The following NSD2 variants were observed in gnomAD, a reference collection of about 807,000 sequenced individuals.
NSD2 encodes nuclear receptor binding SET domain protein 2.
A neutral mutation model predicts 139.0 loss-of-function variants in NSD2; 12 were observed. The observed-to-expected ratio is 0.09, with a 90% CI of 0.06 to 0.14. NSD2 has a LOEUF of 0.14. NSD2 is among the 10% of genes least tolerant of loss of function. The pLI, the probability that NSD2 is intolerant of heterozygous loss-of-function variation, is 1.00. For synonymous variants in NSD2, 669 were observed against 648.7 expected (o/e 1.03, Z -0.48); for missense variants, 1,155 against 1,745.0 (o/e 0.66, Z 6.02).
At position 1,981,526 on chromosome 4, in the gene NSD2, C is replaced by A; in HGVS notation, c.*2617C>A. On this transcript the variant is annotated 3_prime_UTR_variant, in exon 22 of 22. Transcript: ENST00000508803. ...CCAGCATCTGCACCTAAACCCATAC[C>A]CACCCGTGTGCGCCCACAGGGGGAT... 3.6e-6 allele frequency: 1 copy of A among 280,692 alleles called. No homozygotes were observed. The highest frequency in any genetic ancestry group is 6.6e-6 in the Non-Finnish European group (1 of 150,572). The allele number at this position is 280,692 out of a possible 1,614,324, so 17.4% of individuals were successfully genotyped here.
intron 7 of NSD2, among the ~76,000 whole-genome samples, chr4:1,936,889 C>G (rs1722467123): frequency 6.6e-6 from 1 of 152,046 alleles, no homozygotes; most frequent in Admixed American, 6.6e-5. Context: ...GCAGGCAGGC[C>G]CTGCGCCATT....
rs1307307696 is a variant in NSD2 at position 1,958,629 on chromosome 4, G to A, written c.2985+593G>A. 6.6e-6 allele frequency among the ~76,000 whole-genome samples: 1 copy of A among 152,262 alleles called. No individual in the cohort carries two copies. Among genetic ancestry groups the A allele is most frequent in the Non-Finnish European group, 1.5e-5 (1 of 68,048 alleles). ...CGTTCCTGACGAGTGTTTGTGATAA[G>A]TGTGTGCCGGAGGTCAGGTGCTCTG... On this transcript the variant is annotated intron_variant, in intron 16 of 21. Coordinates refer to ENST00000508803, the MANE Select transcript of NSD2 (RefSeq NM_001042424.3). This position sits in a 1 kb window ranked among gnomAD's most constrained non-coding sequence, Gnocchi z 4.6.
chr4:1,951,901 T>C, intron 10 of NSD2: 3 of 732,124 alleles, frequency 4.1e-6, no homozygotes, highest in Non-Finnish European at 4.2e-6. Flanking sequence ...ACTGGCCTCT[T>C]TCTGTAACAG....
chr4:1,978,558 G>A, intron 21 of NSD2, 80 bp from the exon 22 acceptor site: 1 of 1,533,384 alleles, frequency 6.5e-7, no homozygotes, highest in East Asian at 2.3e-5. Flanking sequence ...CCTGACAGTT[G>A]TAAGTCATCT....
intron 1 of NSD2, among the ~76,000 whole-genome samples, chr4:1,900,178 G>A (rs1315674231): frequency 6.6e-6 from 1 of 152,192 alleles, no homozygotes; most frequent in Non-Finnish European, 1.5e-5. Context: ...TTTCCTGTTA[G>A]TGTTGATTTT....
intron 1 of NSD2, among the ~76,000 whole-genome samples, chr4:1,888,867 CT>C (rs1715319490): frequency 6.8e-6 from 1 of 146,436 alleles, no homozygotes; most frequent in Non-Finnish European, 1.5e-5. Flanking sequence ...CGCCTGGCTG[CT>C]TTATTATTTT....
intron 9 of NSD2, chr4:1,941,502 C>T (rs2108904109): frequency 9.6e-7 from 1 of 1,045,728 alleles, no homozygotes; most frequent in Non-Finnish European, 1.2e-6. Context: ...AGGCAGTTGT[C>T]CTGACCTTGA....
At chr4:1,947,464 C>CCT (rs1288968173) in intron 9 of NSD2, 3 of 1,058,668 alleles carry the variant, frequency 2.8e-6, no homozygotes. Context: ...CAGCCCTGAC[C>CCT]CTAGAATTTA....
intron 9 of NSD2, chr4:1,943,326 A>T: frequency 9.6e-7 from 1 of 1,043,954 alleles, no homozygotes; most frequent in Non-Finnish European, 1.2e-6. Flanking sequence ...ATTTTGTTGT[A>T]AACCATTAAG....
Position 1,942,602 on chromosome 4 carries a change from T to C in NSD2, c.1881+2824T>C, listed in dbSNP as rs1242633603. 2 of 1,308,504 alleles carry C rather than the reference T, an allele frequency of 1.5e-6. No homozygotes were observed. The highest frequency in any genetic ancestry group is 1.9e-6 in the Non-Finnish European group (2 of 1,027,016). The allele number at this position is 1,308,504 out of a possible 1,614,324, so 81.1% of individuals were successfully genotyped here. On this transcript the variant is annotated intron_variant, in intron 9 of 21. Transcript: ENST00000508803. This position sits in a 1 kb window ranked among gnomAD's most constrained non-coding sequence, Gnocchi z 4.0. ...AATCAAGGCCATTTAATCCGTCACA[T>C]TCATCTCATAATAGAAACACGTTCA...
rs1322308834 is a variant in NSD2, at chr4:1,900,989, C to G, written c.335C>G (p.Pro112Arg). 1.9e-6 allele frequency: 3 copies of G among 1,614,230 alleles called. No homozygotes were observed. In the East Asian group the frequency reaches 6.7e-5, roughly 36 times the overall value. The change falls in exon 2 of 22, where the codon CCT (proline) becomes CGT (arginine). Residue 112 changes from proline (P) to arginine (R), a missense_variant. Pro to Arg is a moderately radical substitution (Grantham distance 103). Transcript: ENST00000508803. The part of the protein sequence containing the change: ...SQEMKGIGTP[P>R]NTTPIKNGSP... ...GAAATGAAAGGGATTGGGACACCCC[C>G]TAACACTACCCCTATCAAAAATGGC...
chr4:1,872,637 C>CGCGAGAGA (rs1553856508), intron 1 of NSD2, among the ~76,000 whole-genome samples: 8 of 81,746 alleles, frequency 9.8e-5, no homozygotes, highest in African/African-American at 2.2e-4. Context: ...AGAGAGAGAG[C>CGCGAGAGA]GCGCAGACCC....
intron 5 of NSD2, among the ~76,000 whole-genome samples, chr4:1,922,730 A>C (rs1428550730): frequency 6.6e-6 from 1 of 152,106 alleles, no homozygotes; most frequent in Admixed American, 6.5e-5. Context: ...GCTCCAGACT[A>C]GCCTGGCCAA....
rs757846841 is a variant in NSD2 at position 1,918,396 on chromosome 4, A to G, written c.1183A>G (p.Ile395Val). Residue 395 changes from isoleucine to valine, a missense_variant, in exon 5 of 22, where the codon ATT (isoleucine) becomes GTT (valine). Around this residue, in one of 8 missense-constraint regions of NSD2, gnomAD observed 420 missense variants for 469.0 expected, o/e 0.90. Transcript: ENST00000508803. ...CCCCAAGTCTGTGAGAGAAGAGTGC[A>G]TTCCCATGAAGAGAAGGCGGAGGGC... ...ENPKSVREEC[I>V]PMKRRRRAKL... is the part of the protein sequence containing the mutation. 1.6e-5 allele frequency: 26 copies of G among 1,614,018 alleles called. No homozygotes were observed. In the South Asian group the frequency reaches 1.6e-4, roughly 10 times the overall value.
At chr4:1,888,811 C>T (rs1040610712) in intron 1 of NSD2, among the ~76,000 whole-genome samples, 17 of 152,152 alleles carry the variant, frequency 1.1e-4, no homozygotes, top group African/African-American at 3.1e-4. Context: ...AGTGATCCAC[C>T]GGCCTCGGCC....
Position 1,930,734 on chromosome 4 carries a change from G to T in NSD2, c.1519G>T (p.Ala507Ser). 1 of 1,613,882 alleles carries T rather than the reference G, an allele frequency of 6.2e-7. No homozygotes were observed. The highest frequency in any genetic ancestry group is 8.5e-7 in the Non-Finnish European group (1 of 1,179,934). ...GAGAGCACGCTACAACACCAAGTTT[G>T]CCCTGGTGGCCCCTGTCCAGGCTGA... ...KQRARYNTKF[A>S]LVAPVQAEED... Residue 507 changes from alanine (A) to serine (S), a missense_variant, in exon 6 of 22, where the codon GCC becomes TCC. Coordinates refer to ENST00000508803, the MANE Select transcript of NSD2 (RefSeq NM_001042424.3).
chr4:1,908,956 C>G (rs1480547314), intron 3 of NSD2, among the ~76,000 whole-genome samples: 3 of 152,010 alleles, frequency 2.0e-5, no homozygotes, highest in African/African-American at 7.3e-5. Context: ...CCCCAGCAGC[C>G]ACGGCTTTAG....
At chr4:1,961,278 C>T in intron 18 of NSD2, 127 bp downstream of exon 18, 1 of 750,220 alleles carries the variant, frequency 1.3e-6, no homozygotes. Flanking sequence ...TATTTTCAAA[C>T]ATCTGCACAT....
At chr4:1,872,629 A>AGAGAGAGAGAGCGAGAGC (rs1553856461) in intron 1 of NSD2, among the ~76,000 whole-genome samples, 4 of 142,592 alleles carry the variant, frequency 2.8e-5, no homozygotes, top group African/African-American at 1.0e-4. Context: ...AGAGAGAGAG[A>AGAGAGAGAGAGCGAGAGC]GAGAGAGCGC....
Sources: gnomAD v4.1 joint callset for allele counts (sites outside exome capture counted in the v4.1 genomes callset) on GRCh38, gnomAD v4.1.1 for gene constraint, gnomAD v4.1.1 regional missense constraint, Gnocchi (gnomAD v3.1) non-coding constraint, MANE v1.5 for transcripts, NCBI Gene and HGNC (gene_info 2026-07-23, HGNC 2026-07-21) for gene names.